AKT2: variants seen among roughly 807,000 people sequenced by gnomAD.
AKT2 encodes the protein RAC-beta serine/threonine-protein kinase.
Under a neutral mutation model 58.6 loss-of-function variants are expected in AKT2, and 16 were observed. That is an observed-to-expected ratio of 0.27 (90% confidence interval 0.18 to 0.41). The LOEUF is 0.41. Among genes scored for constraint, AKT2 ranks in the 10% least tolerant of loss-of-function variants. The pLI is 1.00. For missense variants in AKT2, 438 were observed against 661.0 expected, an observed-to-expected ratio of 0.66 and a Z score of 3.70; for synonymous variants, 253 against 254.0, an observed-to-expected ratio of 1.00 and a Z score of 0.04.
Position 40,238,008 on chromosome 19 carries a change from C to T in AKT2, c.792G>A (p.Glu264=), listed in dbSNP as rs182481170. The change falls in exon 9 of 14, where the codon GAG becomes GAA. Residue 264 remains glutamate, a synonymous_variant. Transcript: ENST00000392038. The surrounding 1 kb of genome is among the most constrained non-coding windows in gnomAD (Gnocchi z 5.1). ...ATACCACGTCCCGCGAGTGCAAGTACTCAAGAGCCGAGACAATCTCTGCAC... is the reference window on the plus strand; with the variant it reads ...ATACCACGTCCCGCGAGTGCAAGTATTCAAGAGCCGAGACAATCTCTGCAC... ...FYGAEIVSAL[E]YLHSRDVVYR... 2.7e-5 allele frequency: 44 copies of T among 1,613,402 alleles called. No individual in the cohort carries two copies. Among genetic ancestry groups the T allele is most frequent in the Non-Finnish European group, 3.5e-5 (41 of 1,179,782 alleles).
At chr19:40,246,394 G>C (rs151155091) in intron 4 of AKT2, among the ~76,000 whole-genome samples, 2 of 152,160 alleles carry the variant, frequency 1.3e-5, no homozygotes, top group African/African-American at 2.4e-5. Context: ...CAAGTGCTGG[G>C]ATTACAGGTG....
chr19:40,265,963 A>G, intron 1 of AKT2: 1 of 157,704 alleles, frequency 6.3e-6, no homozygotes, highest in Non-Finnish European at 1.4e-5. Context: ...TGACAGAGAA[A>G]AGACAGGTCT....
intron 4 of AKT2, among the ~76,000 whole-genome samples, chr19:40,247,668 C>G (rs1212075380): frequency 6.6e-6 from 1 of 152,200 alleles, no homozygotes; most frequent in African/African-American, 2.4e-5. Flanking sequence ...GCCCCCACCC[C>G]TGCCACTCAA....
chr19:40,230,975 G>A lies in AKT2; in HGVS notation c.*2897C>T, dbSNP rs945033363. ...TGGCCTCAAGAGACCCGCCCGCCTCGGCCTCCCAAATTGCTGGGATTACAG... is the reference window on the plus strand; with the variant it reads ...TGGCCTCAAGAGACCCGCCCGCCTCAGCCTCCCAAATTGCTGGGATTACAG... On this transcript the variant is annotated 3_prime_UTR_variant, in exon 14 of 14. Transcript: ENST00000392038. 3.6e-5 allele frequency: 7 copies of A among 195,798 alleles called. No individual in the cohort carries two copies. The highest frequency in any genetic ancestry group is 6.3e-5 in the Non-Finnish European group (6 of 94,494). 12.1% of individuals were successfully genotyped at this position (195,798 alleles called of 1,614,324 possible). A position where few individuals can be genotyped will look rare whatever the true frequency, so the allele number is the denominator to read the frequency against.
At chr19:40,255,635 C>T (rs916121756) in intron 3 of AKT2, among the ~76,000 whole-genome samples, 3 of 152,132 alleles carry the variant, frequency 2.0e-5, no homozygotes, top group African/African-American at 2.4e-5. Flanking sequence ...AGAGGGTACA[C>T]GGAGAACAGA....
Position 40,235,546 on chromosome 19 carries a change from C to A in AKT2, c.1176-196G>T, listed in dbSNP as rs187923487. 4 of 660,566 alleles carry A rather than the reference C, an allele frequency of 6.1e-6. No homozygotes were observed. The highest frequency in any genetic ancestry group is 2.2e-5 in the Admixed American group (1 of 45,440). The allele number at this position is 660,566 out of a possible 1,614,324, so 40.9% of individuals were successfully genotyped here. A position where few individuals can be genotyped will look rare whatever the true frequency, so the allele number is the denominator to read the frequency against. On this transcript the variant is annotated intron_variant, in intron 11 of 13. Coordinates refer to ENST00000392038, the MANE Select transcript of AKT2 (RefSeq NM_001626.6). This position sits in a 1 kb window ranked among gnomAD's most constrained non-coding sequence, Gnocchi z 6.3. Reference sequence around the variant, plus strand: ...AGAGCCAGGGAGTCAGCAACCCGGACCCACGTGTCCTCACTGCCTGGCCTT... The same window carrying A: ...AGAGCCAGGGAGTCAGCAACCCGGAACCACGTGTCCTCACTGCCTGGCCTT...
chr19:40,263,995 C>T (rs1047120931), intron 2 of AKT2, among the ~76,000 whole-genome samples: 3 of 152,148 alleles, frequency 2.0e-5, no homozygotes, highest in African/African-American at 2.4e-5. Context: ...CTCCATGGCT[C>T]GCGCCACCGT....
intron 1 of AKT2, among the ~76,000 whole-genome samples, chr19:40,279,964 C>T (rs1387160401): frequency 6.6e-6 from 1 of 152,218 alleles, no homozygotes; most frequent in Non-Finnish European, 1.5e-5. Flanking sequence ...ACCCACACGT[C>T]ACCTCCTCAG....
chr19:40,265,661 T>C (rs1976297460), intron 1 of AKT2: 5 of 359,860 alleles, frequency 1.4e-5, no homozygotes, highest in South Asian at 1.3e-4. Context: ...TGAGCAAGCA[T>C]CAAGGTAGCC....
intron 1 of AKT2, among the ~76,000 whole-genome samples, chr19:40,272,677 A>G (rs537722166): frequency 3.3e-5 from 5 of 152,322 alleles, no homozygotes; most frequent in East Asian, 1.9e-4. Flanking sequence ...TATATGATCA[A>G]TGATGGACCT....
Position 40,235,048 on chromosome 19 carries a change from G to C in AKT2, c.1363C>G (p.Arg455Gly), listed in dbSNP as rs757239082. 3 of 1,614,008 alleles carry C rather than the reference G, an allele frequency of 1.9e-6. No individual in the cohort carries two copies. Among genetic ancestry groups the C allele is most frequent in the African/African-American group, 1.3e-5 (1 of 75,064 alleles). ...CGCGGGGGCCCCAGGCACTCACAGC[G>C]GTCAGGGGGTGTGATTGTGATGGAC... ...AQSITITPPD[R>G]YDSLGLLELD... Residue 455 changes from arginine (R) to glycine (G), a missense_variant, in exon 13 of 14, where the codon CGC becomes GGC. By Grantham distance (125) the Arg-to-Gly change is moderately radical. Transcript: ENST00000392038. This position sits in a 1 kb window ranked among gnomAD's most constrained non-coding sequence, Gnocchi z 6.3.
At chr19:40,236,604 G>T in intron 9 of AKT2, 1 of 622,726 alleles carries the variant, frequency 1.6e-6, no homozygotes, top group Non-Finnish European at 2.8e-6. Context: ...GGAACAGCTG[G>T]GCAGGGAGAG....
At chr19:40,265,103 G>A in intron 2 of AKT2, 119 bp downstream of exon 2, 2 of 1,443,040 alleles carry the variant, frequency 1.4e-6, no homozygotes, top group Non-Finnish European at 1.9e-6. Flanking sequence ...TGGGCCTGGG[G>A]CTGCGGAATG....
Position 40,260,628 on chromosome 19 carries a change from C to CAAAA in AKT2, c.47-3578_47-3575dup, listed in dbSNP as rs34124347. On this transcript the variant is annotated intron_variant, in intron 2 of 13. Coordinates refer to ENST00000392038, the MANE Select transcript of AKT2 (RefSeq NM_001626.6). The stretch of plus-strand genomic sequence containing the variant: ...CTGGTGACAGAGTGAGATTCCATCT[C>CAAAA]AAAAAAAAAAAAAAAAAAAAAAAAA... 5.7e-3 allele frequency among the ~76,000 whole-genome samples: 142 copies of CAAAA among 25,004 alleles called. 16 individuals carry two copies. The highest frequency in any genetic ancestry group is 6.5e-3 in the Non-Finnish European group (105 of 16,114). The allele number at this position is 25,004 out of a possible 152,430, so 16.4% of individuals were successfully genotyped here. A position where few individuals can be genotyped will look rare whatever the true frequency, so the allele number is the denominator to read the frequency against.
chr19:40,266,401 GCA>G (rs910319905), intron 1 of AKT2: 3 of 152,362 alleles, frequency 2.0e-5, no homozygotes, highest in African/African-American at 7.2e-5. Context: ...CTACTGCCTG[GCA>G]TGTGACAGTG....
At position 40,231,742 on chromosome 19, in the gene AKT2, C is replaced by T. The variant is rs1973712653; in HGVS notation, c.*2130G>A. 1 of 233,408 alleles carries T rather than the reference C, an allele frequency of 4.3e-6. No individual in the cohort carries two copies. Among genetic ancestry groups the T allele is most frequent in the East Asian group, 6.0e-5 (1 of 16,580 alleles). The allele number at this position is 233,408 out of a possible 1,614,324, so 14.5% of individuals were successfully genotyped here. On this transcript the variant is annotated 3_prime_UTR_variant, in exon 14 of 14. Coordinates refer to ENST00000392038, the MANE Select transcript of AKT2 (RefSeq NM_001626.6). ...GGAAGTGCAGGGGCCCAGACACATC[C>T]AGGCTAAAGGGCAGTGACTAGGGGA...
intron 4 of AKT2, among the ~76,000 whole-genome samples, chr19:40,251,566 T>A (rs1975156328): frequency 6.6e-6 from 1 of 151,380 alleles, no homozygotes; most frequent in Non-Finnish European, 1.5e-5. Context: ...ATAAATAAAT[T>A]AATAAAAAAT....
chr19:40,279,130 G>A (rs1162450855), intron 1 of AKT2: 4 of 152,276 alleles, frequency 2.6e-5, no homozygotes, highest in East Asian at 1.9e-4. Context: ...ATCTGCGAAC[G>A]AGCTTCTCCA....
intron 1 of AKT2, 51 bp from the exon 2 acceptor site, chr19:40,265,402 C>A: frequency 3.9e-6 from 6 of 1,526,642 alleles, no homozygotes; most frequent in Non-Finnish European, 5.3e-6. Flanking sequence ...TCCACACCAG[C>A]CCCTTCCCTG....
Sources: allele counts gnomAD v4.1 joint callset (sites outside exome capture counted in the v4.1 genomes callset), GRCh38; gene constraint gnomAD v4.1.1; non-coding constraint Gnocchi (gnomAD v3.1); transcripts MANE v1.5; gene names NCBI Gene and HGNC (gene_info 2026-07-23, HGNC 2026-07-21).